Variants in TCF4 observed in about 807,000 individuals in gnomAD.
TCF4 encodes transcription factor 4.
Under a neutral mutation model 82.1 loss-of-function variants are expected in TCF4, and 3 were observed. The ratio of observed to expected loss-of-function variants is 0.04; its 90% CI spans 0.02 to 0.09. The LOEUF (loss-of-function observed/expected upper bound fraction) is 0.09, where lower values mean the gene tolerates loss of function less well. Among genes scored for constraint, TCF4 ranks in the 10% least tolerant of loss-of-function variants. TCF4 has a pLI of 1.00. For synonymous variants in TCF4, 276 were observed against 309.6 expected, an observed-to-expected ratio of 0.89 and a Z score of 1.14; for missense variants, 518 against 852.7, an observed-to-expected ratio of 0.61 and a Z score of 4.89.
intron 6 of TCF4, chr18:55,402,234 G>A: frequency 1.0e-6 from 1 of 985,340 alleles, no homozygotes; most frequent in Non-Finnish European, 1.2e-6. Context: ...GGCCAAGGGA[G>A]TAAACTTTAA....
chr18:55,585,686 A>T, intron 2 of TCF4: 1 of 947,460 alleles, frequency 1.1e-6, no homozygotes, highest in Non-Finnish European at 1.3e-6. Context: ...AGTTTCACCA[A>T]GGAGAAGAAA....
intron 15 of TCF4, among the ~76,000 whole-genome samples, chr18:55,236,500 C>T (rs2049456043): frequency 6.6e-6 from 1 of 151,904 alleles, no homozygotes; most frequent in Admixed American, 6.6e-5. Context: ...TGCCACACCA[C>T]TCCTTTCCTC....
At chr18:55,414,559 A>G (rs554422712) in intron 5 of TCF4, among the ~76,000 whole-genome samples, 1 of 152,310 alleles carries the variant, frequency 6.6e-6, no homozygotes, top group East Asian at 1.9e-4. Flanking sequence ...TACAAACTAA[A>G]TTATTATAAA....
chr18:55,316,821 C>G (rs945553983), intron 8 of TCF4, among the ~76,000 whole-genome samples: 1 of 152,198 alleles, frequency 6.6e-6, no homozygotes, highest in African/African-American at 2.4e-5. Context: ...TCTCCTAATT[C>G]TGCCTGCAAT....
rs8093009 is a variant in TCF4, at chr18:55,325,815, T to C, written c.549+24544A>G. Among the ~76,000 whole-genome samples the C allele has an allele frequency of 6.7e-3, 1,014 of 152,288 alleles. 13 individuals are homozygous for C. Among genetic ancestry groups the C allele is most frequent in the African/African-American group, 0.022 (932 of 41,550 alleles). ...GCTAAACATCATATCCTAAGGAAAATAGTGATATTCATTAATATACAATGA... is the reference window on the plus strand; with the variant it reads ...GCTAAACATCATATCCTAAGGAAAACAGTGATATTCATTAATATACAATGA... On this transcript the variant is annotated intron_variant, in intron 8 of 19. Transcript: ENST00000354452.
Position 55,371,394 on chromosome 18 carries a change from C to T in TCF4, c.370-20391G>A, listed in dbSNP as rs924808018. ...CTTAGACAAGACACTTAACTCCCCACAGCCTTGGCCCCTTCATTTGTGGAC... is the reference window on the plus strand; with the variant it reads ...CTTAGACAAGACACTTAACTCCCCATAGCCTTGGCCCCTTCATTTGTGGAC... On this transcript the variant is annotated intron_variant, in intron 6 of 19. Transcript: ENST00000354452. 2.6e-5 allele frequency among the ~76,000 whole-genome samples: 4 copies of T among 152,224 alleles called. No individual in the cohort carries two copies. In the South Asian group the frequency reaches 6.2e-4, roughly 24 times the overall value.
intron 5 of TCF4, among the ~76,000 whole-genome samples, chr18:55,420,888 G>A (rs1334756873): frequency 7.0e-6 from 1 of 142,890 alleles, no homozygotes; most frequent in Non-Finnish European, 1.5e-5. Flanking sequence ...ACAGCAGAAA[G>A]CGCTTTAAAA....
chr18:55,521,910 C>T (rs1314669945), intron 3 of TCF4, among the ~76,000 whole-genome samples: 1 of 152,124 alleles, frequency 6.6e-6, no homozygotes, highest in African/African-American at 2.4e-5. Flanking sequence ...CATTTACAGT[C>T]CTCTGGCTTT....
Position 55,223,743 on chromosome 18 carries a change from A to G in TCF4, c.*4292T>C, listed in dbSNP as rs1462157146. ...TTTTTAACAATTTTTTTAAGTTTTT[A>G]ATGCTGCAGCTATGTGTACAGTCGC... On this transcript the variant is annotated 3_prime_UTR_variant, in exon 20 of 20. Coordinates refer to ENST00000354452, the MANE Select transcript of TCF4 (RefSeq NM_001083962.2). The G allele has an allele frequency of 7.6e-6, 1 of 132,430 alleles. No individual in the cohort carries two copies. Among genetic ancestry groups the G allele is most frequent in the East Asian group, 2.2e-4 (1 of 4,574 alleles). 8.2% of individuals were successfully genotyped at this position (132,430 alleles called of 1,614,324 possible).
At chr18:55,312,521 A>G (rs905460404) in intron 8 of TCF4, among the ~76,000 whole-genome samples, 2 of 152,166 alleles carry the variant, frequency 1.3e-5, no homozygotes, top group Non-Finnish European at 2.9e-5. Flanking sequence ...TTTCAATGTC[A>G]TATCTGAAAG....
At chr18:55,506,632 C>T (rs887899056) in intron 3 of TCF4, among the ~76,000 whole-genome samples, 1 of 152,092 alleles carries the variant, frequency 6.6e-6, no homozygotes, top group African/African-American at 2.4e-5. Context: ...TTTATTTAAA[C>T]ATAATCACAG....
intron 8 of TCF4, among the ~76,000 whole-genome samples, chr18:55,345,472 G>T (rs546207979): frequency 2.0e-5 from 3 of 152,090 alleles, no homozygotes; most frequent in Non-Finnish European, 2.9e-5. Context: ...TATTTGAGAT[G>T]ACTTAATTGT....
intron 6 of TCF4, among the ~76,000 whole-genome samples, chr18:55,356,600 T>C (rs1275439954): frequency 6.6e-6 from 1 of 152,218 alleles, no homozygotes; most frequent in Admixed American, 6.5e-5. Flanking sequence ...TTATATGCGA[T>C]AGAATTTCAT....
chr18:55,321,899 G>GGGA (rs1225449867), intron 8 of TCF4: 1 of 1,405,724 alleles, frequency 7.1e-7, no homozygotes, highest in Non-Finnish European at 9.2e-7. Context: ...TGGCGGGCGG[G>GGGA]GGAGGCCGCG....
chr18:55,431,005 G>C (rs2095173406), intron 5 of TCF4, among the ~76,000 whole-genome samples: 1 of 152,170 alleles, frequency 6.6e-6, no homozygotes, highest in Non-Finnish European at 1.5e-5. Flanking sequence ...AAGGAGTCAG[G>C]GGAAAGACAG....
At chr18:55,421,673 G>C (rs776084684) in intron 5 of TCF4, among the ~76,000 whole-genome samples, 3 of 152,010 alleles carry the variant, frequency 2.0e-5, no homozygotes, top group African/African-American at 2.4e-5. Context: ...TAAAACATCT[G>C]CCTCAGCAAA....
At chr18:55,440,350 G>GT (rs2095416941) in intron 5 of TCF4, among the ~76,000 whole-genome samples, 1 of 152,084 alleles carries the variant, frequency 6.6e-6, no homozygotes, top group Admixed American at 6.5e-5. Context: ...AAGCTTTGGG[G>GT]TTTTTGGGGT....
At chr18:55,443,519 T>C (rs1378848242) in intron 5 of TCF4, among the ~76,000 whole-genome samples, 1 of 152,198 alleles carries the variant, frequency 6.6e-6, no homozygotes, top group African/African-American at 2.4e-5. Flanking sequence ...TATTTTCAGG[T>C]AATTTTAAGC....
intron 6 of TCF4, among the ~76,000 whole-genome samples, chr18:55,365,191 A>ATATATGTGTG (rs1361444592): frequency 4.1e-5 from 4 of 97,958 alleles, no homozygotes; most frequent in African/African-American, 1.0e-4. Flanking sequence ...ATATATATAT[A>ATATATGTGTG]TGTGTGTGTG....
Sources: gnomAD v4.1 joint callset for allele counts (sites outside exome capture counted in the v4.1 genomes callset) on GRCh38, gnomAD v4.1.1 for gene constraint, MANE v1.5 for transcripts, NCBI Gene and HGNC (gene_info 2026-07-23, HGNC 2026-07-21) for gene names.